The following SGCZ variants were observed in gnomAD, a reference collection of about 807,000 sequenced individuals.
SGCZ encodes the protein sarcoglycan zeta.
In SGCZ, 40 loss-of-function variants were observed where a neutral mutation model predicts 41.3. That is an observed-to-expected ratio of 0.97 (90% CI 0.75 to 1.26). SGCZ has a LOEUF of 1.26. SGCZ is among the 50% of genes most tolerant of loss of function. The pLI is 0.00. For synonymous variants in SGCZ, 206 were observed against 137.5 expected (o/e 1.50, Z -3.49); for missense variants, 552 against 369.8 (o/e 1.49, Z -4.04).
intron 1 of SGCZ, among the ~76,000 whole-genome samples, chr8:15,202,818 A>G (rs967033262): frequency 1.3e-5 from 2 of 152,162 alleles, no homozygotes; most frequent in African/African-American, 4.8e-5. Context: ...AAGCTAGGTT[A>G]AGACAAACCT....
chr8:14,439,623 A>G (rs1261117173), intron 2 of SGCZ, among the ~76,000 whole-genome samples: 1 of 151,964 alleles, frequency 6.6e-6, no homozygotes, highest in African/African-American at 2.4e-5. Context: ...GCTTAGCTCC[A>G]TATTAAAAAA....
chr8:14,334,704 T>C (rs528249034), intron 2 of SGCZ, among the ~76,000 whole-genome samples: 1 of 152,228 alleles, frequency 6.6e-6, no homozygotes, highest in African/African-American at 2.4e-5. Flanking sequence ...GACAAAACTC[T>C]AGTTTGGAGT....
intron 1 of SGCZ, among the ~76,000 whole-genome samples, chr8:15,189,399 C>T (rs536181258): frequency 6.6e-6 from 1 of 152,294 alleles, no homozygotes; most frequent in East Asian, 1.9e-4. Context: ...AACACCTCCT[C>T]CAAATGGTCA....
intron 1 of SGCZ, among the ~76,000 whole-genome samples, chr8:15,053,478 C>G (rs1804593108): frequency 6.6e-6 from 1 of 152,108 alleles, no homozygotes; most frequent in Admixed American, 6.5e-5. Flanking sequence ...CAATCCTGGT[C>G]CTGTGCATCC....
chr8:14,352,543 A>G (rs1232066458), intron 2 of SGCZ, among the ~76,000 whole-genome samples: 1 of 152,150 alleles, frequency 6.6e-6, no homozygotes, highest in Non-Finnish European at 1.5e-5. Flanking sequence ...GAATATTACC[A>G]GGTGCAAAAG....
At chr8:14,174,994 T>C (rs1465291396) in intron 4 of SGCZ, among the ~76,000 whole-genome samples, 1 of 152,152 alleles carries the variant, frequency 6.6e-6, no homozygotes, top group Non-Finnish European at 1.5e-5. Context: ...ATTAATCTCA[T>C]TTTAACTTGG....
At chr8:14,338,879 A>T (rs966499264) in intron 2 of SGCZ, among the ~76,000 whole-genome samples, 1 of 152,108 alleles carries the variant, frequency 6.6e-6, no homozygotes, top group African/African-American at 2.4e-5. Flanking sequence ...TAAGAAAAGG[A>T]TGTCTGTCAT....
intron 1 of SGCZ, among the ~76,000 whole-genome samples, chr8:15,193,772 T>A (rs1002944449): frequency 7.2e-5 from 11 of 152,190 alleles, no homozygotes; most frequent in African/African-American, 2.7e-4. Context: ...AATATAATTT[T>A]TCATGGGTGG....
At chr8:14,544,681 C>T (rs1803571297) in intron 2 of SGCZ, among the ~76,000 whole-genome samples, 1 of 152,058 alleles carries the variant, frequency 6.6e-6, no homozygotes, top group Non-Finnish European at 1.5e-5. Flanking sequence ...GGGGAAAACT[C>T]CACCCTGGTA....
intron 1 of SGCZ, among the ~76,000 whole-genome samples, chr8:14,660,870 T>G (rs1807725690): frequency 6.6e-6 from 1 of 152,124 alleles, no homozygotes; most frequent in Non-Finnish European, 1.5e-5. Flanking sequence ...AACTGGAAAC[T>G]GAACTTTTAT....
intron 3 of SGCZ, among the ~76,000 whole-genome samples, chr8:14,315,230 G>C (rs1018223542): frequency 6.6e-6 from 1 of 152,116 alleles, no homozygotes; most frequent in African/African-American, 2.4e-5. Context: ...TTGTCCACCT[G>C]ACAGGATTGT....
intron 4 of SGCZ, among the ~76,000 whole-genome samples, chr8:14,226,450 G>C (rs1020632756): frequency 2.0e-5 from 3 of 151,972 alleles, no homozygotes; most frequent in East Asian, 1.9e-4. Flanking sequence ...CCATAGTTTT[G>C]TCCTTTTAAG....
Position 14,405,477 on chromosome 8 carries a change from T to C in SGCZ, c.235-81273A>G, listed in dbSNP as rs1434352134. On this transcript the variant is annotated intron_variant, in intron 2 of 7. Transcript: ENST00000382080. ...TATACCTCAATGTGCACATCATCGG[T>C]TATTTAAATAATATACTCTCTTTCA... Among the ~76,000 whole-genome samples, 3 of 152,204 alleles carry C rather than the reference T, an allele frequency of 2.0e-5. No individual in the cohort carries two copies. The East Asian group carries it at 5.8e-4, about 29-fold the overall frequency.
At chr8:14,319,197 C>A (rs963375728) in intron 3 of SGCZ, among the ~76,000 whole-genome samples, 2 of 151,864 alleles carry the variant, frequency 1.3e-5, no homozygotes, top group East Asian at 1.9e-4. Flanking sequence ...GGTAAAATTT[C>A]TCTGAAATGA....
At chr8:14,996,731 T>C (rs993835130) in intron 1 of SGCZ, among the ~76,000 whole-genome samples, 2 of 152,202 alleles carry the variant, frequency 1.3e-5, no homozygotes. Flanking sequence ...TGGATCTCCT[T>C]CCAAGGTCTT....
chr8:14,388,992 G>A (rs535458565), intron 2 of SGCZ, among the ~76,000 whole-genome samples: 1 of 151,894 alleles, frequency 6.6e-6, no homozygotes, highest in East Asian at 1.9e-4. Flanking sequence ...TCACAGACAA[G>A]AAAAAAGCAT....
intron 2 of SGCZ, among the ~76,000 whole-genome samples, chr8:14,450,267 A>G (rs1212567963): frequency 6.6e-6 from 1 of 152,210 alleles, no homozygotes; most frequent in Non-Finnish European, 1.5e-5. Context: ...ACAACCAAGC[A>G]TCGTGATTCT....
At chr8:15,043,265 C>G (rs1804177158) in intron 1 of SGCZ, among the ~76,000 whole-genome samples, 1 of 152,066 alleles carries the variant, frequency 6.6e-6, no homozygotes, top group African/African-American at 2.4e-5. Context: ...AAATGTGTCT[C>G]TAGAAGGTTA....
chr8:14,655,940 C>T (rs539126952), intron 1 of SGCZ, among the ~76,000 whole-genome samples: 1 of 152,160 alleles, frequency 6.6e-6, no homozygotes, highest in South Asian at 2.1e-4. Context: ...AAGTATTGCT[C>T]CTTTTTATTG....
Sources: allele counts gnomAD v4.1 joint callset (sites outside exome capture counted in the v4.1 genomes callset), GRCh38; gene constraint gnomAD v4.1.1; transcripts MANE v1.5; gene names NCBI Gene and HGNC (gene_info 2026-07-23, HGNC 2026-07-21).